ITGA4: variants seen among roughly 807,000 people sequenced by gnomAD.
ITGA4 encodes the protein integrin alpha-4.
A neutral mutation model predicts 133.6 loss-of-function variants in ITGA4; 63 were observed. That is an observed-to-expected ratio of 0.47 (90% CI 0.38 to 0.58). The LOEUF (loss-of-function observed/expected upper bound fraction) is 0.58. Ranked by LOEUF, ITGA4 falls within the 20% of genes least tolerant of loss-of-function variation. ITGA4 has a pLI of 0.00. For missense variants in ITGA4, 1,076 were observed against 1,252.7 expected (o/e 0.86, Z 2.13); for synonymous variants, 483 against 438.0 (o/e 1.10, Z -1.28).
intron 10 of ITGA4, among the ~76,000 whole-genome samples, chr2:181,489,438 G>C (rs1197901241): frequency 6.6e-6 from 1 of 151,286 alleles, no homozygotes; most frequent in Non-Finnish European, 1.5e-5. Flanking sequence ...ACCAACAGCA[G>C]ATCACATTTT....
intron 19 of ITGA4, among the ~76,000 whole-genome samples, 157 bp from the exon 20 acceptor site, chr2:181,524,014 T>G (rs886105420): frequency 3.3e-5 from 5 of 152,184 alleles, no homozygotes; most frequent in African/African-American, 1.2e-4. Flanking sequence ...ACCCAACAAC[T>G]TCCCTGAATC....
intron 2 of ITGA4, among the ~76,000 whole-genome samples, chr2:181,469,797 C>G (rs1434739208): frequency 6.6e-6 from 1 of 151,998 alleles, no homozygotes; most frequent in Non-Finnish European, 1.5e-5. Flanking sequence ...TCATCATTCT[C>G]AGTAAACTAT....
In ITGA4 at chr2:181,531,583, T is replaced by TTCTATATAAAA. The variant is rs1336390545; in HGVS notation, c.2665-72_2665-62dup. On this transcript the variant is annotated intron_variant, in intron 24 of 27. Coordinates refer to ENST00000397033, the MANE Select transcript of ITGA4 (RefSeq NM_000885.6). ...AAATGCCATTAGAGTATATATTAAA[T>TTCTATATAAAA]TCTATATAAAATATTTTAAAAATAT... The TTCTATATAAAA allele has an allele frequency of 1.6e-5, 12 of 769,014 alleles. No homozygotes were observed. The Admixed American group carries it at 3.6e-4, about 23-fold the overall frequency. 47.6% of individuals were successfully genotyped at this position (769,014 alleles called of 1,614,324 possible).
intron 23 of ITGA4, 38 bp downstream of exon 23, chr2:181,529,686 G>A (rs1686902248): frequency 9.8e-7 from 1 of 1,023,862 alleles, no homozygotes; most frequent in Non-Finnish European, 1.5e-6. Context: ...TTTATTGTGT[G>A]TCTTAAATAC....
chr2:181,482,867 T>G (rs1271739304), intron 9 of ITGA4, among the ~76,000 whole-genome samples: 1 of 152,112 alleles, frequency 6.6e-6, no homozygotes, highest in Non-Finnish European at 1.5e-5. Context: ...TGAAATAGAT[T>G]GTTAGGGAGT....
At chr2:181,485,424 A>G (rs1685893717) in intron 9 of ITGA4, among the ~76,000 whole-genome samples, 1 of 149,026 alleles carries the variant, frequency 6.7e-6, no homozygotes, top group Non-Finnish European at 1.5e-5. Context: ...TTGCGTCTCG[A>G]TATTGTAAAG....
chr2:181,469,747 G>A (rs1283926266), intron 2 of ITGA4, among the ~76,000 whole-genome samples: 1 of 152,120 alleles, frequency 6.6e-6, no homozygotes, highest in Non-Finnish European at 1.5e-5. Flanking sequence ...AAAAAAGGAT[G>A]AGTTCATGTC....
At chr2:181,496,066 G>T in intron 14 of ITGA4, 129 bp downstream of exon 14, 1 of 865,156 alleles carries the variant, frequency 1.2e-6, no homozygotes, top group Non-Finnish European at 1.8e-6. Context: ...GAAGCTACCT[G>T]ATGCATGCTT....
At chr2:181,532,726 C>G (rs1385709938) in intron 25 of ITGA4, among the ~76,000 whole-genome samples, 1 of 152,098 alleles carries the variant, frequency 6.6e-6, no homozygotes, top group Non-Finnish European at 1.5e-5. Context: ...ATTTGAATAC[C>G]CTTTGTTGCT....
At chr2:181,514,833 T>C (rs1258374850) in intron 17 of ITGA4, among the ~76,000 whole-genome samples, 1 of 152,154 alleles carries the variant, frequency 6.6e-6, no homozygotes, top group Non-Finnish European at 1.5e-5. Flanking sequence ...AAAATGCATC[T>C]TAATGAATTA....
intron 2 of ITGA4, among the ~76,000 whole-genome samples, chr2:181,466,163 T>C (rs1256342379): frequency 6.6e-6 from 1 of 152,068 alleles, no homozygotes; most frequent in African/African-American, 2.4e-5. Flanking sequence ...AGAAGTGACC[T>C]AGTTGTTAGA....
At chr2:181,475,322 A>C (rs199869160) in intron 4 of ITGA4, 34 bp downstream of exon 4, 2 of 1,541,990 alleles carry the variant, frequency 1.3e-6, no homozygotes, top group Non-Finnish European at 1.8e-6. Flanking sequence ...TTAGATAAAG[A>C]TAAGTAAGTG....
At position 181,509,736 on chromosome 2, in the gene ITGA4, A is replaced by C. The variant is rs1334640877; in HGVS notation, c.1774A>C (p.Ser592Arg). 6.2e-6 allele frequency: 10 copies of C among 1,611,554 alleles called. No homozygotes were observed. Among genetic ancestry groups the C allele is most frequent in the Non-Finnish European group, 7.6e-6 (9 of 1,178,272 alleles). ...TGGTCCTCATGTCATCAGTAAACGA[A>C]GTACAGAGGAATTCCCACCACTTCA... ...HLGPHVISKR[S>R]TEEFPPLQPI... The change falls in exon 16 of 28, where the codon AGT becomes CGT. Residue 592 changes from serine to arginine, a missense_variant. Around this residue, in one of 4 missense-constraint regions of ITGA4, gnomAD observed 365 missense variants for 421.4 expected, o/e 0.87. Transcript: ENST00000397033.
intron 17 of ITGA4, among the ~76,000 whole-genome samples, chr2:181,513,549 A>G (rs552902751): frequency 6.6e-6 from 1 of 152,192 alleles, no homozygotes; most frequent in African/African-American, 2.4e-5. Flanking sequence ...TATCCTACCT[A>G]GGTCACTAAG....
Position 181,499,769 on chromosome 2 carries a change from G to A in ITGA4, c.1695+992G>A, listed in dbSNP as rs191247899. ...CATTTATATGGTAGGAATTAAAGAG[G>A]TTCTTTTTTTCATGCTTCATAGATG... On this transcript the variant is annotated intron_variant, in intron 15 of 27. Transcript: ENST00000397033. Among the ~76,000 whole-genome samples, 207 of 152,152 alleles carry A rather than the reference G, an allele frequency of 1.4e-3. 2 individuals carry two copies. The highest frequency in any genetic ancestry group is 6.8e-3 in the Middle Eastern group (2 of 294).
intron 2 of ITGA4, among the ~76,000 whole-genome samples, chr2:181,460,730 A>G (rs2105709770): frequency 6.6e-6 from 1 of 152,270 alleles, no homozygotes; most frequent in South Asian, 2.1e-4. Context: ...TTTATTGTTT[A>G]CTTAAATCTA....
chr2:181,469,375 C>T (rs977404173), intron 2 of ITGA4, among the ~76,000 whole-genome samples: 21 of 152,090 alleles, frequency 1.4e-4, no homozygotes, highest in African/African-American at 3.6e-4. Context: ...AACACCAATC[C>T]GTAAACTTAG....
chr2:181,487,149 T>C (rs1685941073), intron 10 of ITGA4, among the ~76,000 whole-genome samples: 2 of 152,200 alleles, frequency 1.3e-5, no homozygotes, highest in Admixed American at 1.3e-4. Flanking sequence ...CTTTTGGTTA[T>C]TACGATTACA....
intron 10 of ITGA4, among the ~76,000 whole-genome samples, chr2:181,487,855 G>T (rs1685956265): frequency 6.6e-6 from 1 of 152,132 alleles, no homozygotes; most frequent in African/African-American, 2.4e-5. Context: ...AAGTTTAAGG[G>T]TTCTACCTAA....
Sources: gnomAD v4.1 joint callset for allele counts (sites outside exome capture counted in the v4.1 genomes callset) on GRCh38, gnomAD v4.1.1 for gene constraint, gnomAD v4.1.1 regional missense constraint, MANE v1.5 for transcripts, NCBI Gene and HGNC (gene_info 2026-07-23, HGNC 2026-07-21) for gene names.